FLYWCH2: variants seen among roughly 807,000 people sequenced by gnomAD.
FLYWCH2 encodes the protein FLYWCH family member 2.
A neutral mutation model predicts 6.0 loss-of-function variants in FLYWCH2; 2 were observed. The observed-to-expected ratio is 0.33, with a 90% CI of 0.14 to 1.04. The LOEUF is 1.04. FLYWCH2 is among the 50% of genes least tolerant of loss of function. FLYWCH2 has a pLI of 0.45. For synonymous variants in FLYWCH2, 87 were observed against 79.3 expected, an observed-to-expected ratio of 1.10 and a Z score of -0.52; for missense variants, 192 against 183.4, an observed-to-expected ratio of 1.05 and a Z score of -0.27.
chr16:2,896,110 T>C (rs115755910), intron 2 of FLYWCH2, among the ~76,000 whole-genome samples: 2,388 of 152,318 alleles, frequency 0.016, 56 homozygotes, highest in African/African-American at 0.055. Context: ...GATGGCCCCT[T>C]GTGGAGGGTG....
At chr16:2,890,820 A>AC (rs1438531642) in intron 1 of FLYWCH2, among the ~76,000 whole-genome samples, 1 of 151,280 alleles carries the variant, frequency 6.6e-6, no homozygotes, top group Non-Finnish European at 1.5e-5. Flanking sequence ...ACCCACCTCA[A>AC]CCCCCCAGAG....
chr16:2,888,073 A>G (rs1047889219), intron 1 of FLYWCH2, among the ~76,000 whole-genome samples: 1 of 151,778 alleles, frequency 6.6e-6, no homozygotes, highest in Non-Finnish European at 1.5e-5. Flanking sequence ...TAGTGGCGTG[A>G]TCTCGGCTCA....
At chr16:2,889,346 G>T (rs2069731459) in intron 1 of FLYWCH2, among the ~76,000 whole-genome samples, 1 of 150,974 alleles carries the variant, frequency 6.6e-6, no homozygotes, top group Admixed American at 6.6e-5. Context: ...GAGTAGCTGG[G>T]ACTACAGGCG....
chr16:2,897,408 G>A (rs1321455739), intron 3 of FLYWCH2, among the ~76,000 whole-genome samples: 1 of 152,224 alleles, frequency 6.6e-6, no homozygotes, highest in African/African-American at 2.4e-5. Flanking sequence ...GGGGCTGGGG[G>A]TGTGGCCCTA....
intron 1 of FLYWCH2, among the ~76,000 whole-genome samples, chr16:2,885,492 C>A (rs2069688904): frequency 6.6e-6 from 1 of 152,188 alleles, no homozygotes; most frequent in Non-Finnish European, 1.5e-5. Context: ...CCCGAGATAA[C>A]CACAAATCTA....
rs1171938548 is a variant in FLYWCH2, at chr16:2,896,970, C to T, written c.322+199C>T. 3 of 612,798 alleles carry T rather than the reference C, an allele frequency of 4.9e-6. No homozygotes were observed. In the African/African-American group the frequency reaches 5.6e-5, roughly 11 times the overall value. The allele number at this position is 612,798 out of a possible 1,614,324, so 38.0% of individuals were successfully genotyped here. ...GACCTCCAACCCTGCCTCTGAGCGG[C>T]CTTGCCTCTCTGTGTCTGTTCCCCA... is the stretch of plus-strand genomic sequence containing the variant. On this transcript the variant is annotated intron_variant, in intron 3 of 3. Coordinates refer to ENST00000396958, the MANE Select transcript of FLYWCH2 (RefSeq NM_138439.3).
downstream of FLYWCH2, chr16:2,899,380 A>G: frequency 7.5e-6 from 3 of 400,218 alleles, no homozygotes; most frequent in South Asian, 1.1e-4. Flanking sequence ...CAGGTTTTAA[A>G]CATCCCAGGC....
chr16:2,884,590 T>A, intron 1 of FLYWCH2, among the ~76,000 whole-genome samples: 1 of 51,444 alleles, frequency 1.9e-5, no homozygotes, highest in Non-Finnish European at 4.3e-5. Context: ...CAAAAATTAG[T>A]CGGGGCCGGC....
rs2069707901 is a variant in FLYWCH2 at position 2,887,221 on chromosome 16, C to T, written c.-200+3855C>T. On this transcript the variant is annotated intron_variant, in intron 1 of 3. Transcript: ENST00000396958. ...AGTGCAGTGGTGCAATCTCGGCTCA[C>T]TGCAACCTCCGCCCCACTGGCTTAA... is the stretch of plus-strand genomic sequence containing the variant. 2.0e-5 allele frequency among the ~76,000 whole-genome samples: 3 copies of T among 151,918 alleles called. No individual in the cohort carries two copies. The South Asian group carries it at 6.2e-4, about 32-fold the overall frequency.
intron 3 of FLYWCH2, among the ~76,000 whole-genome samples, chr16:2,897,342 C>G (rs1421538399): frequency 6.6e-6 from 1 of 152,198 alleles, no homozygotes; most frequent in African/African-American, 2.4e-5. Flanking sequence ...CACAATCACC[C>G]CCCACCAAGC....
chr16:2,892,600 C>G (rs1370861794), intron 1 of FLYWCH2, among the ~76,000 whole-genome samples: 1 of 151,834 alleles, frequency 6.6e-6, no homozygotes, highest in Non-Finnish European at 1.5e-5. Flanking sequence ...AATCCCAGCA[C>G]TTTGGGAGGC....
At chr16:2,897,654 G>T (rs1437158238) in intron 3 of FLYWCH2, among the ~76,000 whole-genome samples, 1 of 152,222 alleles carries the variant, frequency 6.6e-6, no homozygotes, top group African/African-American at 2.4e-5. Flanking sequence ...CCTGCACCCA[G>T]CTCTCCCTGA....
chr16:2,884,568 A>AAAAAAAAAC (rs1555476299), intron 1 of FLYWCH2, among the ~76,000 whole-genome samples: 2 of 145,290 alleles, frequency 1.4e-5, no homozygotes, highest in African/African-American at 5.1e-5. Context: ...TAAAAAAAAA[A>AAAAAAAAAC]AAAAAAAAAT....
At chr16:2,887,507 A>C (rs1354937938) in intron 1 of FLYWCH2, among the ~76,000 whole-genome samples, 1 of 151,752 alleles carries the variant, frequency 6.6e-6, no homozygotes, top group Non-Finnish European at 1.5e-5. Context: ...TGAGGAAAGC[A>C]TACAACTTCA....
chr16:2,890,050 C>T (rs939312985), intron 1 of FLYWCH2, among the ~76,000 whole-genome samples: 2 of 151,742 alleles, frequency 1.3e-5, no homozygotes, highest in East Asian at 3.9e-4. Context: ...TGTATCACTG[C>T]ACTCCAAGCA....
rs544121082 is a variant in FLYWCH2 at position 2,899,352 on chromosome 16, G to A, written c.*203G>A. On this transcript the variant is annotated 3_prime_UTR_variant, in exon 4 of 4. Transcript: ENST00000396958. ...CAAACAAGAATAAAAGAAGCTGTTC[G>A]CTAGACCCCATAATGGGCAGGTTTT... 5.2e-4 allele frequency: 245 copies of A among 475,066 alleles called. No homozygotes were observed. Among genetic ancestry groups the A allele is most frequent in the Non-Finnish European group, 7.2e-4 (198 of 273,176 alleles). 29.4% of individuals were successfully genotyped at this position (475,066 alleles called of 1,614,324 possible).
rs1459600234 is a variant in FLYWCH2, at chr16:2,883,250, T to G, written c.-316T>G. On this transcript the variant is annotated 5_prime_UTR_variant, in exon 1 of 4. Transcript: ENST00000396958. ...GCACCCGCGGCCTTGCTGCGCATGC[T>G]CGCGCTGTGACCCCGGCTTGAGGTA... 1 of 152,232 alleles carries G rather than the reference T, an allele frequency of 6.6e-6. No individual in the cohort carries two copies. 9.4% of individuals were successfully genotyped at this position (152,232 alleles called of 1,614,324 possible). A position where few individuals can be genotyped will look rare whatever the true frequency, so the allele number is the denominator to read the frequency against.
In FLYWCH2 at chr16:2,885,334, C is replaced by CA. The variant is rs765751976; in HGVS notation, c.-200+1979dup. On this transcript the variant is annotated intron_variant, in intron 1 of 3. Transcript: ENST00000396958. ...TCCGTCTCAAAAAAACAAAACAAAA[C>CA]AAAAAAAAAAATATACAGTTCAGTG... is the stretch of plus-strand genomic sequence containing the variant. 4.4e-3 allele frequency among the ~76,000 whole-genome samples: 177 copies of CA among 40,118 alleles called. 1 individual carries two copies. The highest frequency in any genetic ancestry group is 7.0e-3 in the Non-Finnish European group (109 of 15,656). 26.3% of individuals were successfully genotyped at this position (40,118 alleles called of 152,430 possible). A position where few individuals can be genotyped will look rare whatever the true frequency, so the allele number is the denominator to read the frequency against.
intron 1 of FLYWCH2, among the ~76,000 whole-genome samples, chr16:2,893,797 C>A (rs1373711534): frequency 6.6e-6 from 1 of 151,972 alleles, no homozygotes; most frequent in Non-Finnish European, 1.5e-5. Context: ...GCCACCACGC[C>A]GGGCTAATTT....
Sources: allele counts gnomAD v4.1 joint callset (sites outside exome capture counted in the v4.1 genomes callset), GRCh38; gene constraint gnomAD v4.1.1; transcripts MANE v1.5; gene names NCBI Gene and HGNC (gene_info 2026-07-23, HGNC 2026-07-21).